PI4K2A: variants seen among roughly 807,000 people sequenced by gnomAD.
The protein encoded by PI4K2A is phosphatidylinositol 4-kinase type 2-alpha.
A neutral mutation model predicts 55.0 loss-of-function variants in PI4K2A; 20 were observed. The ratio of observed to expected loss-of-function variants is 0.36; its 90% CI spans 0.26 to 0.53. The LOEUF (loss-of-function observed/expected upper bound fraction) is 0.53, where lower values mean the gene tolerates loss of function less well. Ranked by LOEUF, PI4K2A falls within the 20% of genes least tolerant of loss-of-function variation. The probability of loss-of-function intolerance (pLI) is 0.91; values close to 1 mark genes in which losing one functional copy is unlikely to be tolerated. For synonymous variants in PI4K2A, 235 were observed against 258.5 expected (o/e 0.91, Z 0.87); for missense variants, 463 against 637.1 (o/e 0.73, Z 2.94).
At chr10:97,658,652 A>G (rs943155601) in intron 4 of PI4K2A, among the ~76,000 whole-genome samples, 2 of 152,200 alleles carry the variant, frequency 1.3e-5, no homozygotes, top group Non-Finnish European at 2.9e-5. Flanking sequence ...TTACATTCCC[A>G]CCAACAGCAC....
Position 97,655,616 on chromosome 10 carries a change from A to G in PI4K2A, c.637-669A>G, listed in dbSNP as rs1564774665. Among the ~76,000 whole-genome samples the G allele has an allele frequency of 2.6e-5, 4 of 151,940 alleles. No homozygotes were observed. In the South Asian group the frequency reaches 6.3e-4, roughly 24 times the overall value. The stretch of plus-strand genomic sequence containing the variant: ...GGGACAGAGTCTCCCTCTGTCACCC[A>G]GGATAGAATGTGCAGTGGTGCGATC... On this transcript the variant is annotated intron_variant, in intron 2 of 8. Transcript: ENST00000370631.
At chr10:97,660,522 C>T (rs2041577006) in intron 4 of PI4K2A, among the ~76,000 whole-genome samples, 1 of 151,862 alleles carries the variant, frequency 6.6e-6, no homozygotes, top group African/African-American at 2.4e-5. Flanking sequence ...TCTTGAACTC[C>T]TGACCTCGTG....
rs368124986 is a variant in PI4K2A, at chr10:97,660,300, C to CTT, written c.923-2595_923-2594dup. On this transcript the variant is annotated intron_variant, in intron 4 of 8. Transcript: ENST00000370631. ...ACAGGCGTGAGCCACCGCGCCCGGC[C>CTT]TTTTTTTTTTTTTGAGACGGAGTCT... Among the ~76,000 whole-genome samples the CTT allele has an allele frequency of 5.8e-4, 69 of 118,918 alleles. 1 individual carries two copies. The highest frequency in any genetic ancestry group is 0.014 in the Middle Eastern group (2 of 144). The allele number at this position is 118,918 out of a possible 152,430, so 78.0% of individuals were successfully genotyped here.
intron 2 of PI4K2A, among the ~76,000 whole-genome samples, chr10:97,653,911 C>T (rs2041540571): frequency 1.6e-5 from 2 of 121,270 alleles, no homozygotes; most frequent in African/African-American, 7.6e-5. Context: ...AGCGAGACTC[C>T]GTCTCAAAAA....
In PI4K2A at chr10:97,641,495, A is replaced by G. The variant is rs189467494; in HGVS notation, c.435+318A>G. On this transcript the variant is annotated intron_variant, in intron 1 of 8. Coordinates refer to ENST00000370631, the Ensembl canonical transcript of PI4K2A. ...GCTTTCTAGTAGGGTACTTAGCTTCACACTACTGGGACAGCTATTCGGCCG... is the reference window on the plus strand; with the variant it reads ...GCTTTCTAGTAGGGTACTTAGCTTCGCACTACTGGGACAGCTATTCGGCCG... Among the ~76,000 whole-genome samples the G allele has an allele frequency of 7.0e-3, 1,061 of 152,212 alleles. 16 individuals are homozygous for G. The highest frequency in any genetic ancestry group is 0.024 in the African/African-American group (1,005 of 41,504).
intron 4 of PI4K2A, among the ~76,000 whole-genome samples, chr10:97,662,533 C>G (rs1343285017): frequency 6.6e-6 from 1 of 152,158 alleles, no homozygotes; most frequent in Non-Finnish European, 1.5e-5. Context: ...TACGAGGGTC[C>G]CTTACCCCTG....
At chr10:97,642,958 T>TTTTC (rs779504748) in intron 1 of PI4K2A, among the ~76,000 whole-genome samples, 4 of 148,804 alleles carry the variant, frequency 2.7e-5, no homozygotes, top group Admixed American at 6.7e-5. Context: ...CTTTCTTTCT[T>TTTTC]TTTCTTTCTT....
At chr10:97,661,557 T>C (rs1455463224) in intron 4 of PI4K2A, among the ~76,000 whole-genome samples, 3 of 151,962 alleles carry the variant, frequency 2.0e-5, no homozygotes, top group Non-Finnish European at 2.9e-5. Context: ...GATCTCACTA[T>C]GTTGCCCAGG....
At chr10:97,670,559 C>T (rs1248572176) in intron 8 of PI4K2A, among the ~76,000 whole-genome samples, 2 of 152,282 alleles carry the variant, frequency 1.3e-5, no homozygotes, top group African/African-American at 4.8e-5. Context: ...CAGATACTCC[C>T]GCAATCTCCT....
Position 97,656,544 on chromosome 10 carries a change from C to T in PI4K2A, c.768+128C>T, listed in dbSNP as rs1280930071. On this transcript the variant is annotated intron_variant, in intron 3 of 8. Coordinates refer to ENST00000370631, the Ensembl canonical transcript of PI4K2A. The surrounding 1 kb of genome is among the most constrained non-coding windows in gnomAD (Gnocchi z 4.5). ...AACCTGCCCTGAGGATCCTGTCTTC[C>T]TTATTTCTGTCAAGTGGCTAAGGTT... 1.1e-6 allele frequency: 1 copy of T among 926,944 alleles called. No homozygotes were observed. Among genetic ancestry groups the T allele is most frequent in the Non-Finnish European group, 1.6e-6 (1 of 610,098 alleles). The allele number at this position is 926,944 out of a possible 1,614,324, so 57.4% of individuals were successfully genotyped here.
At chr10:97,649,623 T>C (rs1462156047) in intron 1 of PI4K2A, among the ~76,000 whole-genome samples, 1 of 112,554 alleles carries the variant, frequency 8.9e-6, no homozygotes, top group Admixed American at 1.0e-4. Flanking sequence ...TTTTTTTTTT[T>C]TTTTTTTTTT....
At chr10:97,640,696 C>A (rs2041461902) in exon 1 of PI4K2A, 1 of 1,335,478 alleles carries the variant, frequency 7.5e-7, no homozygotes, top group Non-Finnish European at 9.8e-7. Flanking sequence ...CGGCCGCGAG[C>A]GCAGTGGTGT....
At chr10:97,651,674 A>C (rs904940698) in intron 2 of PI4K2A, among the ~76,000 whole-genome samples, 2 of 152,212 alleles carry the variant, frequency 1.3e-5, no homozygotes, top group African/African-American at 4.8e-5. Flanking sequence ...TGAACACATC[A>C]AAATAGGGGT....
intron 8 of PI4K2A, among the ~76,000 whole-genome samples, chr10:97,672,535 AT>A (rs1589939751): frequency 6.6e-6 from 1 of 152,062 alleles, no homozygotes; most frequent in Non-Finnish European, 1.5e-5. Context: ...ACATTTATAT[AT>A]ATATTTGATA....
chr10:97,642,482 C>G (rs985860586), intron 1 of PI4K2A, among the ~76,000 whole-genome samples: 5 of 151,128 alleles, frequency 3.3e-5, no homozygotes, highest in South Asian at 2.1e-4. Context: ...CTCACTGCAG[C>G]CTCCGCCTCC....
chr10:97,642,859 CTTTCTTTT>C (rs1564772303), intron 1 of PI4K2A, among the ~76,000 whole-genome samples: 623 of 22,288 alleles, frequency 0.028, no homozygotes, highest in Middle Eastern at 0.08. Context: ...TCCTTTCTTT[CTTTCTTTT>C]TCTTTCTTTC....
intron 8 of PI4K2A, among the ~76,000 whole-genome samples, chr10:97,672,921 CAG>C (rs1309197838): frequency 3.3e-5 from 5 of 149,986 alleles, no homozygotes; most frequent in African/African-American, 1.2e-4. Flanking sequence ...TTAGTAGATA[CAG>C]AGTTTCACCA....
rs1297515085 is a variant in PI4K2A at position 97,656,709 on chromosome 10, T to C, written c.769-112T>C. 3.1e-6 allele frequency: 3 copies of C among 967,312 alleles called. No homozygotes were observed. The Admixed American group carries it at 6.7e-5, about 22-fold the overall frequency. 59.9% of individuals were successfully genotyped at this position (967,312 alleles called of 1,614,324 possible). A position where few individuals can be genotyped will look rare whatever the true frequency, so the allele number is the denominator to read the frequency against. ...AGGAAGTAAAGATCTTGAAAAGTTT[T>C]CCTTCTCTGATACAAACTCCATAGG... On this transcript the variant is annotated intron_variant, in intron 3 of 8. Coordinates refer to ENST00000370631, the Ensembl canonical transcript of PI4K2A. This position sits in a 1 kb window ranked among gnomAD's most constrained non-coding sequence, Gnocchi z 4.5.
exon 8 of PI4K2A, chr10:97,667,080 G>T (rs761522677): frequency 6.2e-7 from 1 of 1,613,592 alleles, no homozygotes; most frequent in East Asian, 2.2e-5. Flanking sequence ...GGTTTCGACA[G>T]GGGCCAGTTC....
Sources: allele counts gnomAD v4.1 joint callset (sites outside exome capture counted in the v4.1 genomes callset), GRCh38; gene constraint gnomAD v4.1.1; non-coding constraint Gnocchi (gnomAD v3.1); transcripts MANE v1.5; gene names NCBI Gene and HGNC (gene_info 2026-07-23, HGNC 2026-07-21).